The following DCDC1 variants were observed in gnomAD, a reference collection of about 807,000 sequenced individuals.
DCDC1 encodes doublecortin domain-containing protein 1.
Under a neutral mutation model 178.3 loss-of-function variants are expected in DCDC1, and 200 were observed. The observed-to-expected ratio is 1.12, with a 90% confidence interval of 1.00 to 1.26. DCDC1 has a LOEUF of 1.26. Ranked by LOEUF, DCDC1 falls within the 50% of genes most tolerant of loss-of-function variation. DCDC1 has a pLI of 0.00. For synonymous variants in DCDC1, 690 were observed against 604.8 expected, an observed-to-expected ratio of 1.14 and a Z score of -2.07; for missense variants, 1,983 against 1,749.2, an observed-to-expected ratio of 1.13 and a Z score of -2.38.
At chr11:31,019,957 C>T in intron 20 of DCDC1, among the ~76,000 whole-genome samples, 1 of 152,124 alleles carries the variant, frequency 6.6e-6, no homozygotes, top group Non-Finnish European at 1.5e-5. Flanking sequence ...ATTTTCCTGA[C>T]TGTGCTGTAT....
At chr11:30,942,103 C>T (rs1261030935) in intron 21 of DCDC1, among the ~76,000 whole-genome samples, 1 of 152,110 alleles carries the variant, frequency 6.6e-6, no homozygotes. Flanking sequence ...GGTAGATGAT[C>T]AAGTGTTTAT....
chr11:30,920,518 T>C (rs1432258484), intron 25 of DCDC1, among the ~76,000 whole-genome samples: 3 of 152,228 alleles, frequency 2.0e-5, no homozygotes, highest in Non-Finnish European at 4.4e-5. Flanking sequence ...AATAAATGCC[T>C]ACTATCCTAA....
chr11:31,252,857 C>T (rs1046251849), intron 8 of DCDC1, among the ~76,000 whole-genome samples: 1 of 151,886 alleles, frequency 6.6e-6, no homozygotes, highest in African/African-American at 2.4e-5. Context: ...ATGGAACAAG[C>T]AGTGACGGGA....
chr11:30,937,788 G>A (rs1404033193), intron 21 of DCDC1, among the ~76,000 whole-genome samples: 1 of 151,922 alleles, frequency 6.6e-6, no homozygotes, highest in Non-Finnish European at 1.5e-5. Flanking sequence ...CAGCCTTACT[G>A]ACAGCTGCCC....
At chr11:31,009,438 T>TTGTGTGTGTGTG (rs139389381) in intron 20 of DCDC1, among the ~76,000 whole-genome samples, 51 of 144,514 alleles carry the variant, frequency 3.5e-4, no homozygotes, top group South Asian at 1.8e-3. Context: ...CACAGTTTCT[T>TTGTGTGTGTGTG]TGTGTGTGTG....
intron 8 of DCDC1, among the ~76,000 whole-genome samples, chr11:31,246,569 G>A (rs1943582551): frequency 1.3e-5 from 2 of 151,884 alleles, no homozygotes; most frequent in South Asian, 4.1e-4. Context: ...AGTCCAGGAA[G>A]TATGACTGCA....
At chr11:30,937,407 C>T (rs1947344590) in intron 21 of DCDC1, among the ~76,000 whole-genome samples, 1 of 152,100 alleles carries the variant, frequency 6.6e-6, no homozygotes. Flanking sequence ...CCCCAGTCCT[C>T]ATCAATGGTC....
At position 31,067,267 on chromosome 11, in the gene DCDC1, T is replaced by A. The variant is rs117452765; in HGVS notation, c.2299-2114A>T. ...ACTAATGAAAAGACAAATAACCCGATGAAAATACAAGAAAAGGATCTAGTA... is the reference window on the plus strand; with the variant it reads ...ACTAATGAAAAGACAAATAACCCGAAGAAAATACAAGAAAAGGATCTAGTA... On this transcript the variant is annotated intron_variant, in intron 18 of 38. Transcript: ENST00000684477. 5.4e-3 allele frequency among the ~76,000 whole-genome samples: 815 copies of A among 152,010 alleles called. 6 individuals carry two copies. The highest frequency in any genetic ancestry group is 8.4e-3 in the Non-Finnish European group (570 of 67,960).
At chr11:31,018,102 T>G (rs1952610601) in intron 20 of DCDC1, among the ~76,000 whole-genome samples, 1 of 152,158 alleles carries the variant, frequency 6.6e-6, no homozygotes, top group Admixed American at 6.5e-5. Flanking sequence ...AAAATATGTA[T>G]ACATGGGAGA....
intron 21 of DCDC1, among the ~76,000 whole-genome samples, chr11:30,933,224 T>C (rs1199818119): frequency 6.6e-6 from 1 of 152,102 alleles, no homozygotes; most frequent in Non-Finnish European, 1.5e-5. Flanking sequence ...CTTTTTTTTC[T>C]TTTTTTGGGA....
At position 30,894,894 on chromosome 11, in the gene DCDC1, C is replaced by T. The variant is rs1280371267; in HGVS notation, c.4766-510G>A. Among the ~76,000 whole-genome samples the T allele has an allele frequency of 3.3e-5, 5 of 152,236 alleles. No homozygotes were observed. In the South Asian group the frequency reaches 6.2e-4, roughly 19 times the overall value. On this transcript the variant is annotated intron_variant, in intron 34 of 38. Coordinates refer to ENST00000684477, the MANE Select transcript of DCDC1 (RefSeq NM_001387274.1). ...CCCTGCGAGCACGATTAGTTTCTGA[C>T]ACCTCTGCTGTGCCCTTTATGCTGT...
intron 7 of DCDC1, among the ~76,000 whole-genome samples, chr11:31,280,161 T>A (rs1457076508): frequency 3.3e-5 from 5 of 152,154 alleles, no homozygotes; most frequent in Non-Finnish European, 7.4e-5. Flanking sequence ...GGAATTCTAA[T>A]TAGATTGGCA....
At chr11:31,145,088 A>G (rs1271550994) in intron 9 of DCDC1, among the ~76,000 whole-genome samples, 1 of 152,208 alleles carries the variant, frequency 6.6e-6, no homozygotes, top group Non-Finnish European at 1.5e-5. Flanking sequence ...AATAGTACCT[A>G]TTTCATAATT....
intron 21 of DCDC1, among the ~76,000 whole-genome samples, chr11:30,951,318 A>AGAAGTC (rs940616233): frequency 2.6e-5 from 4 of 152,180 alleles, no homozygotes; most frequent in Non-Finnish European, 5.9e-5. Flanking sequence ...AATGGAAAGT[A>AGAAGTC]GAAGTCAGTG....
At chr11:31,301,034 C>A (rs1480021297) in intron 6 of DCDC1, among the ~76,000 whole-genome samples, 1 of 152,044 alleles carries the variant, frequency 6.6e-6, no homozygotes, top group African/African-American at 2.4e-5. Flanking sequence ...AAATCCACAC[C>A]TATTTTATAT....
chr11:31,088,044 A>C (rs1957587350), intron 17 of DCDC1, among the ~76,000 whole-genome samples: 1 of 151,902 alleles, frequency 6.6e-6, no homozygotes, highest in Admixed American at 6.6e-5. Flanking sequence ...TGATAAATTA[A>C]CCCCTTAATC....
intron 36 of DCDC1, among the ~76,000 whole-genome samples, chr11:30,884,274 C>A (rs1458886680): frequency 6.6e-6 from 1 of 152,012 alleles, no homozygotes; most frequent in East Asian, 1.9e-4. Flanking sequence ...CAATCAGTCC[C>A]CCCACCTCAG....
At chr11:31,109,096 A>G (rs1473533219) in intron 12 of DCDC1, among the ~76,000 whole-genome samples, 2 of 151,716 alleles carry the variant, frequency 1.3e-5, no homozygotes, top group Non-Finnish European at 2.9e-5. Context: ...CAACACAAAA[A>G]GTTTCTATAG....
At chr11:31,350,091 C>T (rs1367290622) in intron 1 of DCDC1, among the ~76,000 whole-genome samples, 2 of 152,078 alleles carry the variant, frequency 1.3e-5, no homozygotes, top group East Asian at 3.9e-4. Flanking sequence ...ATTTTTAAGG[C>T]TGTTGTGTAT....
Sources: allele counts gnomAD v4.1 joint callset (sites outside exome capture counted in the v4.1 genomes callset), GRCh38; gene constraint gnomAD v4.1.1; transcripts MANE v1.5; gene names NCBI Gene and HGNC (gene_info 2026-07-23, HGNC 2026-07-21).